Variants in ROBO2 observed in about 807,000 individuals in gnomAD.
ROBO2 encodes the protein roundabout guidance receptor 2.
Under a neutral mutation model 160.8 loss-of-function variants are expected in ROBO2, and 53 were observed. The observed-to-expected ratio is 0.33, with a 90% CI of 0.26 to 0.41. ROBO2 has a LOEUF of 0.41. Ranked by LOEUF, ROBO2 falls within the 10% of genes least tolerant of loss-of-function variation. The probability of loss-of-function intolerance (pLI) is 1.00; values close to 1 mark genes in which losing one functional copy is unlikely to be tolerated. For missense variants in ROBO2, 1,577 were observed against 1,722.4 expected (o/e 0.92, Z 1.49); for synonymous variants, 664 against 611.7 (o/e 1.09, Z -1.26).
intron 2 of ROBO2, among the ~76,000 whole-genome samples, chr3:76,942,006 G>A (rs566027094): frequency 6.6e-6 from 1 of 152,264 alleles, no homozygotes; most frequent in Non-Finnish European, 1.5e-5. Flanking sequence ...AAGAAACAGT[G>A]TGACTTACCT....
At chr3:76,008,465 A>G (rs1174574663) in intron 2 of ROBO2, among the ~76,000 whole-genome samples, 1 of 152,180 alleles carries the variant, frequency 6.6e-6, no homozygotes, top group African/African-American at 2.4e-5. Flanking sequence ...AGTAACTACA[A>G]TACCACATTT....
intron 2 of ROBO2, among the ~76,000 whole-genome samples, chr3:76,143,662 A>G (rs920002341): frequency 5.3e-5 from 8 of 152,026 alleles, no homozygotes; most frequent in African/African-American, 1.9e-4. Flanking sequence ...ACCACTCCCC[A>G]AATCTGTATC....
At chr3:77,093,355 C>T (rs572700207) in intron 1 of ROBO2, among the ~76,000 whole-genome samples, 3 of 152,132 alleles carry the variant, frequency 2.0e-5, no homozygotes, top group Non-Finnish European at 4.4e-5. Flanking sequence ...CCCCCACTCC[C>T]CCTTACTGTT....
At chr3:77,264,732 T>C (rs886134656) in intron 2 of ROBO2, among the ~76,000 whole-genome samples, 1 of 152,192 alleles carries the variant, frequency 6.6e-6, no homozygotes, top group African/African-American at 2.4e-5. Context: ...TATAGTAAGA[T>C]GGAGGCATTT....
chr3:76,328,429 A>G (rs1327141271), intron 2 of ROBO2, among the ~76,000 whole-genome samples: 1 of 152,210 alleles, frequency 6.6e-6, no homozygotes, highest in Non-Finnish European at 1.5e-5. Context: ...AAATTTGTCC[A>G]TTAATTTCCT....
chr3:76,009,409 C>G (rs1445952884), intron 2 of ROBO2, among the ~76,000 whole-genome samples: 1 of 152,124 alleles, frequency 6.6e-6, no homozygotes, highest in African/African-American at 2.4e-5. Context: ...GGCTGAAGAT[C>G]CGATTCTCTT....
chr3:77,614,757 A>C (rs143268122), intron 21 of ROBO2, among the ~76,000 whole-genome samples: 4,554 of 138,566 alleles, frequency 0.033, 98 homozygotes, highest in Non-Finnish European at 0.049. Flanking sequence ...AACCAACCAA[A>C]CAAACAAACA....
In ROBO2 at chr3:76,058,895, T is replaced by C. The variant is rs1391160728; in HGVS notation, c.109+121293T>C. Among the ~76,000 whole-genome samples the C allele has an allele frequency of 1.4e-3, 213 of 147,180 alleles. 1 individual carries two copies. Among genetic ancestry groups the C allele is most frequent in the African/African-American group, 5.2e-3 (207 of 39,740 alleles). On this transcript the variant is annotated intron_variant, in intron 2 of 26. Transcript: ENST00000487694. ...ATTCCCACCTATGAGTGAGAACATG[T>C]GGTGTTTGGTTTTTTGTCTTTGCGA...
intron 10 of ROBO2, 42 bp downstream of exon 11, chr3:77,562,774 C>A: frequency 7.5e-7 from 1 of 1,332,780 alleles, no homozygotes; most frequent in Admixed American, 1.7e-5. Flanking sequence ...GGCCCCTTTT[C>A]TGATAGCTCA....
chr3:76,068,494 T>C (rs1272706998), intron 2 of ROBO2, among the ~76,000 whole-genome samples: 1 of 152,220 alleles, frequency 6.6e-6, no homozygotes, highest in Non-Finnish European at 1.5e-5. Flanking sequence ...CTTCTACCTG[T>C]GTGCCAGACC....
At position 77,580,050 on chromosome 3, in the gene ROBO2, G is replaced by A. The variant is rs199675194; in HGVS notation, c.2432G>A (p.Arg811Gln). 1.1e-4 allele frequency: 180 copies of A among 1,613,530 alleles called. No homozygotes were observed. Among genetic ancestry groups the A allele is most frequent in the African/African-American group, 3.3e-4 (25 of 75,020 alleles). Reference sequence around the variant, plus strand: ...GGATTATTCCCAGGTATTCAATACCGGGTAGAGGTTGCAGCTAGTACCAGT... The same window carrying A: ...GGATTATTCCCAGGTATTCAATACCAGGTAGAGGTTGCAGCTAGTACCAGT... The change falls in exon 16 of 26, where the codon CGG (arginine) becomes CAG (glutamine). Residue 811 changes from arginine (R) to glutamine (Q), a missense_variant. Coordinates refer to ENST00000461745, the Ensembl canonical transcript of ROBO2.
In ROBO2 at chr3:76,254,600, G is replaced by A. The variant is rs139197244; in HGVS notation, c.109+316998G>A. 5.4e-3 allele frequency among the ~76,000 whole-genome samples: 825 copies of A among 152,078 alleles called. 19 individuals are homozygous for A. The East Asian group carries it at 0.089, about 16-fold the overall frequency. On this transcript the variant is annotated intron_variant, in intron 2 of 26. Coordinates refer to the ROBO2 transcript ENST00000487694. Reference sequence around the variant, plus strand: ...TAGAGTCAGAAATAACTGCAATAACGCTGTCAGCACAAAAGGTGACAGGTT... The same window carrying A: ...TAGAGTCAGAAATAACTGCAATAACACTGTCAGCACAAAAGGTGACAGGTT...
chr3:77,440,342 C>T (rs149740248), intron 2 of ROBO2, among the ~76,000 whole-genome samples: 195 of 152,168 alleles, frequency 1.3e-3, no homozygotes, highest in African/African-American at 3.7e-3. Flanking sequence ...TATTGAGTGG[C>T]AAAACTCATT....
chr3:76,394,489 C>T (rs917620550), intron 2 of ROBO2, among the ~76,000 whole-genome samples: 1 of 152,148 alleles, frequency 6.6e-6, no homozygotes, highest in Non-Finnish European at 1.5e-5. Flanking sequence ...GCCGAGAGAT[C>T]AGCTGTTAGT....
chr3:77,267,101 T>C (rs1389585471), intron 2 of ROBO2, among the ~76,000 whole-genome samples: 1 of 152,278 alleles, frequency 6.6e-6, no homozygotes, highest in African/African-American at 2.4e-5. Context: ...ATTCAAGACA[T>C]TGAAACATAA....
intron 22 of ROBO2, among the ~76,000 whole-genome samples, chr3:77,619,303 G>C (rs1411342155): frequency 2.0e-5 from 3 of 152,142 alleles, no homozygotes; most frequent in African/African-American, 4.8e-5. Flanking sequence ...CTGATACCAA[G>C]TACAAGTTTC....
intron 1 of ROBO2, among the ~76,000 whole-genome samples, chr3:75,909,241 A>G (rs1443084440): frequency 2.6e-5 from 4 of 152,148 alleles, no homozygotes; most frequent in African/African-American, 7.2e-5. Flanking sequence ...TTAAGCGGTA[A>G]TAGTTGATCC....
At chr3:77,210,337 T>C (rs1221526566) in intron 2 of ROBO2, among the ~76,000 whole-genome samples, 3 of 152,122 alleles carry the variant, frequency 2.0e-5, no homozygotes, top group African/African-American at 7.2e-5. Flanking sequence ...CTTCAACATA[T>C]TTTGTAATAG....
At chr3:77,384,865 C>T (rs1337171582) in intron 2 of ROBO2, among the ~76,000 whole-genome samples, 5 of 152,068 alleles carry the variant, frequency 3.3e-5, no homozygotes, top group African/African-American at 1.2e-4. Context: ...ATTTCCCTTC[C>T]CCCATTGTTA....
Sources: gnomAD v4.1 joint callset for allele counts (sites outside exome capture counted in the v4.1 genomes callset) on GRCh38, gnomAD v4.1.1 for gene constraint, MANE v1.5 for transcripts, NCBI Gene and HGNC (gene_info 2026-07-23, HGNC 2026-07-21) for gene names.